The following HTRA3 variants were observed in gnomAD, a reference collection of about 807,000 sequenced individuals.
HTRA3 encodes the protein HtrA serine peptidase 3.
A neutral mutation model predicts 43.2 loss-of-function variants in HTRA3; 41 were observed. The ratio of observed to expected loss-of-function variants is 0.95; its 90% CI spans 0.74 to 1.23. The LOEUF is 1.23. Ranked by LOEUF, HTRA3 falls within the 50% of genes most tolerant of loss-of-function variation. HTRA3 has a pLI of 0.00. For synonymous variants in HTRA3, 295 were observed against 287.9 expected, an observed-to-expected ratio of 1.02 and a Z score of -0.25; for missense variants, 628 against 647.1, an observed-to-expected ratio of 0.97 and a Z score of 0.32.
intron 6 of HTRA3, 103 bp from the exon 7 acceptor site, chr4:8,302,360 T>C: frequency 9.4e-7 from 1 of 1,062,146 alleles, no homozygotes; most frequent in Non-Finnish European, 1.5e-6. Flanking sequence ...ACCTGCTGCT[T>C]CCTGGTCCTG....
At chr4:8,292,223 A>ATGTG (rs1473169033) in intron 4 of HTRA3, 98 bp from the exon 5 acceptor site, 1 of 1,007,396 alleles carries the variant, frequency 9.9e-7, no homozygotes, top group East Asian at 2.4e-5. Flanking sequence ...AGACCTGCTT[A>ATGTG]TGTGTCTCTG....
chr4:8,282,538 T>G lies in HTRA3; in HGVS notation c.485+2T>G, dbSNP rs1712794802. 1 of 1,607,002 alleles carries G rather than the reference T, an allele frequency of 6.2e-7. No homozygotes were observed. The highest frequency in any genetic ancestry group is 8.5e-7 in the Non-Finnish European group (1 of 1,173,710). On this transcript the variant is annotated splice_donor_variant, in intron 2 of 8. Transcript: ENST00000307358. LOFTEE classifies it high-confidence loss of function. The stretch of plus-strand genomic sequence containing the variant: ...GGTCCACATAGAGCTCTTCCTGAGG[T>G]GGGTGAATACCCCTCGCCCCTCTCT...
chr4:8,291,412 C>T lies in HTRA3; in HGVS notation c.751C>T (p.Arg251Trp), dbSNP rs745448154. The T allele has an allele frequency of 1.4e-5, 22 of 1,613,530 alleles. No individual in the cohort carries two copies. Among genetic ancestry groups the T allele is most frequent in the Middle Eastern group, 1.6e-4 (1 of 6,062 alleles). The change falls in exon 4 of 9, where the codon CGG becomes TGG. Residue 251 changes from arginine (R) to tryptophan (W), a missense_variant. By Grantham distance (101) the Arg-to-Trp change is moderately radical (BLOSUM62 -3). Coordinates refer to ENST00000307358, the MANE Select transcript of HTRA3 (RefSeq NM_053044.5). The part of the protein sequence containing the change: ...VLLLGHSADL[R>W]PGEFVVAIGS... ...GTTGCTGGGTCACTCGGCCGACCTGCGGCCTGGGGAGTTTGTGGTGGCCAT... is the reference window on the plus strand; with the variant it reads ...GTTGCTGGGTCACTCGGCCGACCTGTGGCCTGGGGAGTTTGTGGTGGCCAT...
chr4:8,271,771 C>T (rs1712287156), intron 1 of HTRA3, among the ~76,000 whole-genome samples: 1 of 152,190 alleles, frequency 6.6e-6, no homozygotes, highest in African/African-American at 2.4e-5. Flanking sequence ...TAAGGAGCTT[C>T]TGCCCACGCT....
In HTRA3 at chr4:8,304,248, C is replaced by T; in HGVS notation, c.1165C>T (p.Gln389Ter). 6 of 1,614,162 alleles carry T rather than the reference C, an allele frequency of 3.7e-6. No homozygotes were observed. Among genetic ancestry groups the T allele is most frequent in the Non-Finnish European group, 5.1e-6 (6 of 1,180,000 alleles). ...AGAGGTCAGCAGTGGAATTTATGTGCAAGAGGTTGCGCCGAATTCACCTTC... is the reference window on the plus strand; with the variant it reads ...AGAGGTCAGCAGTGGAATTTATGTGTAAGAGGTTGCGCCGAATTCACCTTC... ...FPEVSSGIYV[Q>*]EVAPNSPSQR... The change falls in exon 8 of 9, where the codon CAA becomes TAA. Residue 389 changes from glutamine (Q) to a stop codon, truncating the protein, a stop_gained. Coordinates refer to ENST00000307358, the MANE Select transcript of HTRA3 (RefSeq NM_053044.5). LOFTEE classifies it high-confidence loss of function.
chr4:8,290,599 A>T (rs1713194801), intron 3 of HTRA3, among the ~76,000 whole-genome samples: 1 of 152,162 alleles, frequency 6.6e-6, no homozygotes, highest in Non-Finnish European at 1.5e-5. Context: ...CGAGCACAGA[A>T]CCGCCTTCCC....
At chr4:8,301,254 T>TTTA (rs74205069) in intron 6 of HTRA3, among the ~76,000 whole-genome samples, 3 of 78,048 alleles carry the variant, frequency 3.8e-5, no homozygotes, top group South Asian at 5.8e-4. Flanking sequence ...CACACTCAGC[T>TTTA]TTATTGATTC....
In HTRA3 at chr4:8,294,160, TCA is replaced by T; in HGVS notation, c.1014_1015del (p.Arg339ValfsTer32). ...TCCTTTGCCATCCCCTCAGACCGCATCACACGGTTCCTCACAGAGTTCCAAGA... is the reference window on the plus strand; with the variant it reads ...TCCTTTGCCATCCCCTCAGACCGCATCACGGTTCCTCACAGAGTTCCAAGA... On this transcript the variant is annotated frameshift_variant, in exon 6 of 9. Coordinates refer to ENST00000307358, the MANE Select transcript of HTRA3 (RefSeq NM_053044.5). LOFTEE classifies it high-confidence loss of function. 1 of 1,612,486 alleles carries T rather than the reference TCA, an allele frequency of 6.2e-7. No individual in the cohort carries two copies. The highest frequency in any genetic ancestry group is 8.5e-7 in the Non-Finnish European group (1 of 1,179,314).
intron 8 of HTRA3, among the ~76,000 whole-genome samples, chr4:8,305,025 C>T (rs918476872): frequency 5.3e-5 from 8 of 152,166 alleles, no homozygotes; most frequent in African/African-American, 1.9e-4. Flanking sequence ...ATTGCAACAC[C>T]ATAGGCTGAG....
At chr4:8,288,299 G>T (rs1225595051) in intron 3 of HTRA3, among the ~76,000 whole-genome samples, 1 of 152,144 alleles carries the variant, frequency 6.6e-6, no homozygotes, top group Non-Finnish European at 1.5e-5. Context: ...TTGAAATGGG[G>T]TTTTGCCCTT....
rs1713848754 is a variant in HTRA3, at chr4:8,306,317, T to C, written c.*181T>C. On this transcript the variant is annotated 3_prime_UTR_variant, in exon 9 of 9. Coordinates refer to ENST00000307358, the MANE Select transcript of HTRA3 (RefSeq NM_053044.5). This position sits in a 1 kb window ranked among gnomAD's most constrained non-coding sequence, Gnocchi z 8.9. ...GCCCGAATTTCCGCCTGGGGAGTGT[T>C]GGATCCACATCCCGGTGCCGGGGAG... 10 of 593,908 alleles carry C rather than the reference T, an allele frequency of 1.7e-5. No individual in the cohort carries two copies. The South Asian group carries it at 2.3e-4, about 14-fold the overall frequency. The allele number at this position is 593,908 out of a possible 1,614,324, so 36.8% of individuals were successfully genotyped here.
At position 8,286,059 on chromosome 4, in the gene HTRA3, G is replaced by T. The variant is rs1301999533; in HGVS notation, c.486-502G>T. Among the ~76,000 whole-genome samples the T allele has an allele frequency of 6.6e-6, 1 of 152,184 alleles. No homozygotes were observed. Among genetic ancestry groups the T allele is most frequent in the African/African-American group, 2.4e-5 (1 of 41,434 alleles). ...GTGTGCAATGGGGCTTTTCCCCTAG[G>T]GCCAATTATTGTCCTGTTTGTTGAG... On this transcript the variant is annotated intron_variant, in intron 2 of 8. Transcript: ENST00000307358. The surrounding 1 kb of genome is among the most constrained non-coding windows in gnomAD (Gnocchi z 4.9).
At position 8,282,502 on chromosome 4, in the gene HTRA3, G is replaced by A. The variant is rs375160977; in HGVS notation, c.451G>A (p.Ala151Thr). 2.5e-6 allele frequency: 4 copies of A among 1,614,038 alleles called. No individual in the cohort carries two copies. The highest frequency in any genetic ancestry group is 1.3e-5 in the African/African-American group (1 of 75,066). ...CATTGCTGACGTGGTGGAGAAGATC[G>A]CACCAGCCGTGGTCCACATAGAGCT... Reference protein sequence around the residue: ...NFIADVVEKIAPAVVHIELFL... With the variant: ...NFIADVVEKITPAVVHIELFL... Residue 151 changes from alanine to threonine, a missense_variant, in exon 2 of 9, where the codon GCA becomes ACA. Coordinates refer to ENST00000307358, the MANE Select transcript of HTRA3 (RefSeq NM_053044.5).
intron 3 of HTRA3, among the ~76,000 whole-genome samples, chr4:8,287,576 C>T (rs891103319): frequency 1.3e-5 from 2 of 151,994 alleles, no homozygotes; most frequent in Non-Finnish European, 2.9e-5. Flanking sequence ...GTGGGACATG[C>T]CACACATTTT....
chr4:8,270,334 G>A lies in HTRA3; in HGVS notation c.366G>A (p.Gln122=). Reference sequence around the variant, plus strand: ...CCGGGACGCCCGTGCGCCAGCTGCAGAAGGGCGCCTGCCCGTTGGGTAAGC... The same window carrying A: ...CCGGGACGCCCGTGCGCCAGCTGCAAAAGGGCGCCTGCCCGTTGGGTAAGC... ...QLSGTPVRQL[Q]KGACPLGLHQ... The change falls in exon 1 of 9, where the codon CAG becomes CAA. Residue 122 remains glutamine, a synonymous_variant. Coordinates refer to ENST00000307358, the MANE Select transcript of HTRA3 (RefSeq NM_053044.5). 1 of 1,433,886 alleles carries A rather than the reference G, an allele frequency of 7.0e-7. No individual in the cohort carries two copies. The highest frequency in any genetic ancestry group is 2.5e-4 in the Middle Eastern group (1 of 4,014). 88.8% of individuals were successfully genotyped at this position (1,433,886 alleles called of 1,614,324 possible).
Position 8,286,612 on chromosome 4 carries a change from C to G in HTRA3, c.537C>G (p.Ile179Met), listed in dbSNP as rs750148861. The G allele has an allele frequency of 6.2e-6, 10 of 1,614,080 alleles. No homozygotes were observed. The highest frequency in any genetic ancestry group is 8.5e-6 in the Non-Finnish European group (10 of 1,180,038). Residue 179 changes from isoleucine (I) to methionine (M), a missense_variant, in exon 3 of 9, where the codon ATC becomes ATG. Transcript: ENST00000307358. This position sits in a 1 kb window ranked among gnomAD's most constrained non-coding sequence, Gnocchi z 4.9. ...CCCTGTCCAGCGGTTCTGGCTTCAT[C>G]ATGTCAGAGGCCGGCCTGATCATCA... Reference protein sequence around the residue: ...NVPLSSGSGFIMSEAGLIITN... With the variant: ...NVPLSSGSGFMMSEAGLIITN...
intron 1 of HTRA3, among the ~76,000 whole-genome samples, chr4:8,281,289 C>T (rs1398487555): frequency 1.3e-5 from 2 of 152,232 alleles, no homozygotes; most frequent in African/African-American, 4.8e-5. Flanking sequence ...GGCCACTTCC[C>T]AGAGATCAAG....
chr4:8,287,134 C>T (rs1438456667), intron 3 of HTRA3, among the ~76,000 whole-genome samples: 2 of 152,204 alleles, frequency 1.3e-5, no homozygotes, highest in East Asian at 3.9e-4. Context: ...GGGATGGCAT[C>T]TGGGTTTGGG....
chr4:8,276,810 C>A (rs1478291154), intron 1 of HTRA3, among the ~76,000 whole-genome samples: 1 of 152,052 alleles, frequency 6.6e-6, no homozygotes, highest in Non-Finnish European at 1.5e-5. Flanking sequence ...CAAGGGCCAG[C>A]ACGGAGCAGG....
Sources: gnomAD v4.1 joint callset for allele counts (sites outside exome capture counted in the v4.1 genomes callset) on GRCh38, gnomAD v4.1.1 for gene constraint, Gnocchi (gnomAD v3.1) non-coding constraint, MANE v1.5 for transcripts, NCBI Gene and HGNC (gene_info 2026-07-23, HGNC 2026-07-21) for gene names.